GABRG3: variants seen among roughly 807,000 people sequenced by gnomAD.
GABRG3 encodes gamma-aminobutyric acid type A receptor subunit gamma3, also known as gamma-aminobutyric acid receptor subunit gamma-3.
GABRG3 carries 25 observed loss-of-function variants against 48.8 expected under a neutral mutation model. The observed-to-expected ratio is 0.51, with a 90% confidence interval of 0.37 to 0.72. The LOEUF (loss-of-function observed/expected upper bound fraction) is 0.72, where lower values mean the gene tolerates loss of function less well. Among genes scored for constraint, GABRG3 ranks in the 30% least tolerant of loss-of-function variants. The pLI is 0.00. For synonymous variants in GABRG3, 227 were observed against 217.6 expected, an observed-to-expected ratio of 1.04 and a Z score of -0.38; for missense variants, 394 against 577.9, an observed-to-expected ratio of 0.68 and a Z score of 3.26.
intron 5 of GABRG3, among the ~76,000 whole-genome samples, chr15:27,375,710 G>A (rs986805313): frequency 6.6e-6 from 1 of 152,128 alleles, no homozygotes; most frequent in African/African-American, 2.4e-5. Context: ...TTATTCATGA[G>A]AACAGCATGG....
chr15:27,212,256 CAG>C (rs1262539280), intron 3 of GABRG3, among the ~76,000 whole-genome samples: 1 of 152,170 alleles, frequency 6.6e-6, no homozygotes, highest in Non-Finnish European at 1.5e-5. Flanking sequence ...AATCTACTGA[CAG>C]GGACTCAGGA....
chr15:27,265,197 A>G (rs924126483), intron 3 of GABRG3, among the ~76,000 whole-genome samples: 3 of 152,142 alleles, frequency 2.0e-5, no homozygotes, highest in South Asian at 4.1e-4. Flanking sequence ...AATCTCACCA[A>G]TACAAACCTA....
At chr15:27,097,648 T>C (rs938757163) in intron 3 of GABRG3, among the ~76,000 whole-genome samples, 5 of 152,154 alleles carry the variant, frequency 3.3e-5, no homozygotes, top group African/African-American at 1.2e-4. Flanking sequence ...GGTGCGATTC[T>C]GTCTCCCACC....
At chr15:26,995,304 T>A (rs1895319908) in intron 2 of GABRG3, among the ~76,000 whole-genome samples, 1 of 152,024 alleles carries the variant, frequency 6.6e-6, no homozygotes, top group Admixed American at 6.5e-5. Context: ...ATTGTATACC[T>A]TTTTCCATCT....
chr15:27,019,147 C>A (rs925707775), intron 2 of GABRG3, among the ~76,000 whole-genome samples: 2 of 135,352 alleles, frequency 1.5e-5, no homozygotes, highest in Non-Finnish European at 3.1e-5. Context: ...GGGCTCACTG[C>A]AAGCTCTGCC....
rs867213534 is a variant in GABRG3 at position 27,155,882 on chromosome 15, G to A, written c.270+129061G>A. On this transcript the variant is annotated intron_variant, in intron 3 of 9. Transcript: ENST00000615808. ...TCTGAAACCACCTTAGTTGAGGGAT[G>A]GATGCCTTATTGTAGCCCAGTAAGG... Among the ~76,000 whole-genome samples, 7 of 152,248 alleles carry A rather than the reference G, an allele frequency of 4.6e-5. No individual in the cohort carries two copies. The Middle Eastern group carries it at 0.01, about 222-fold the overall frequency.
intron 3 of GABRG3, among the ~76,000 whole-genome samples, chr15:27,306,408 TAAACATGTCTACATGTAAACATATAATAC>T: frequency 3.6e-5 from 5 of 139,832 alleles, no homozygotes; most frequent in African/African-American, 1.0e-4. Flanking sequence ...ATATATAATA[TAAACATGTCTACATGTAAACATATAATAC>T]GAACATATGT....
intron 3 of GABRG3, among the ~76,000 whole-genome samples, chr15:27,092,416 T>C (rs1897202980): frequency 6.6e-6 from 1 of 152,186 alleles, no homozygotes; most frequent in African/African-American, 2.4e-5. Flanking sequence ...ATCTCTCTGC[T>C]CTCCTCTCCC....
chr15:27,243,222 G>A (rs956478108), intron 3 of GABRG3, among the ~76,000 whole-genome samples: 2 of 152,168 alleles, frequency 1.3e-5, no homozygotes, highest in African/African-American at 4.8e-5. Context: ...CAGGGTGTGT[G>A]TTTTCCATGT....
intron 5 of GABRG3, among the ~76,000 whole-genome samples, chr15:27,406,399 G>A (rs1887635349): frequency 6.6e-6 from 1 of 152,092 alleles, no homozygotes; most frequent in Non-Finnish European, 1.5e-5. Flanking sequence ...TTACAATGGT[G>A]AGACCTGACA....
intron 3 of GABRG3, among the ~76,000 whole-genome samples, chr15:27,063,350 T>C (rs1479475926): frequency 6.6e-6 from 1 of 152,228 alleles, no homozygotes; most frequent in Non-Finnish European, 1.5e-5. Flanking sequence ...CCTCCAGATC[T>C]CTGTTAAAAT....
intron 3 of GABRG3, among the ~76,000 whole-genome samples, chr15:27,293,440 G>A (rs895129153): frequency 6.6e-6 from 1 of 152,058 alleles, no homozygotes; most frequent in East Asian, 1.9e-4. Flanking sequence ...TGTAATCCCA[G>A]CACTTTGAGG....
At position 27,056,353 on chromosome 15, in the gene GABRG3, CAAAAAAA is replaced by C. The variant is rs58665097; in HGVS notation, c.270+29546_270+29552del. Among the ~76,000 whole-genome samples the C allele has an allele frequency of 9.9e-3, 568 of 57,156 alleles. 4 individuals are homozygous for C. Among genetic ancestry groups the C allele is most frequent in the Non-Finnish European group, 0.016 (447 of 27,878 alleles). The allele number at this position is 57,156 out of a possible 152,430, so 37.5% of individuals were successfully genotyped here. A position where few individuals can be genotyped will look rare whatever the true frequency, so the allele number is the denominator to read the frequency against. On this transcript the variant is annotated intron_variant, in intron 3 of 9. Transcript: ENST00000615808. ...GGTTGACAGAGTGAGACCCTGTCTC[CAAAAAAA>C]AAAAAAAAAAAAAGAAAAGAAAAAA...
Position 27,539,488 on chromosome 15 carries a change from CACCTT to C in GABRG3, c.*6609_*6613del, listed in dbSNP as rs1891619494. 1 of 152,206 alleles carries C rather than the reference CACCTT, an allele frequency of 6.6e-6. No individual in the cohort carries two copies. The highest frequency in any genetic ancestry group is 6.5e-5 in the Admixed American group (1 of 15,286). 9.4% of individuals were successfully genotyped at this position (152,206 alleles called of 1,614,324 possible). A position where few individuals can be genotyped will look rare whatever the true frequency, so the allele number is the denominator to read the frequency against. ...TCAATTTATAAAAGATTATTGGAAA[CACCTT>C]AAGTAGTCCTAACCCACTGTCAGCT... On this transcript the variant is annotated 3_prime_UTR_variant, in exon 10 of 10. Coordinates refer to ENST00000615808, the MANE Select transcript of GABRG3 (RefSeq NM_033223.5).
intron 4 of GABRG3, among the ~76,000 whole-genome samples, chr15:27,327,322 C>T (rs1190308380): frequency 6.6e-6 from 1 of 152,194 alleles, no homozygotes; most frequent in African/African-American, 2.4e-5. Context: ...TAGGAAAATA[C>T]AGATGTCTTG....
At position 27,319,947 on chromosome 15, in the gene GABRG3, C is replaced by T. The variant is rs897240383; in HGVS notation, c.271-6862C>T. On this transcript the variant is annotated intron_variant, in intron 3 of 9. Transcript: ENST00000615808. The surrounding 1 kb of genome is among the most constrained non-coding windows in gnomAD (Gnocchi z 4.4). ...GGGGAGGGCAGAGGGAGGATTTCTACACAAGAAAGGAAACTGAGAAAAGGC... is the reference window on the plus strand; with the variant it reads ...GGGGAGGGCAGAGGGAGGATTTCTATACAAGAAAGGAAACTGAGAAAAGGC... Among the ~76,000 whole-genome samples, 3 of 152,016 alleles carry T rather than the reference C, an allele frequency of 2.0e-5. No homozygotes were observed. Among genetic ancestry groups the T allele is most frequent in the Non-Finnish European group, 4.4e-5 (3 of 67,988 alleles).
intron 6 of GABRG3, among the ~76,000 whole-genome samples, chr15:27,508,826 A>G (rs530474141): frequency 1.1e-3 from 173 of 151,850 alleles, no homozygotes; most frequent in African/African-American, 3.8e-3. Flanking sequence ...CCATTCTCTC[A>G]CCCCAGCCTC....
In GABRG3 at chr15:27,407,089, G is replaced by A. The variant is rs557514077; in HGVS notation, c.575-73561G>A. Among the ~76,000 whole-genome samples the A allele has an allele frequency of 1.6e-4, 25 of 152,062 alleles. No individual in the cohort carries two copies. In the East Asian group the frequency reaches 3.5e-3, roughly 21 times the overall value. ...ATTAGGGGCACGTGCGACCACGGCC[G>A]GCTAATTTTGTAGTTTTAGTAGGGA... On this transcript the variant is annotated intron_variant, in intron 5 of 9. Transcript: ENST00000615808.
rs1276948785 is a variant in GABRG3, at chr15:27,539,699, T to A, written c.*6818T>A. The A allele has an allele frequency of 6.6e-6, 1 of 151,980 alleles. No homozygotes were observed. Among genetic ancestry groups the A allele is most frequent in the African/African-American group, 2.4e-5 (1 of 41,342 alleles). The allele number at this position is 151,980 out of a possible 1,614,324, so 9.4% of individuals were successfully genotyped here. On this transcript the variant is annotated 3_prime_UTR_variant, in exon 10 of 10. Transcript: ENST00000615808. ...TGTCACTCTCATGGGGAGATCAGGGTACCCACTCCTCTACGTAGCTTGGCA... is the reference window on the plus strand; with the variant it reads ...TGTCACTCTCATGGGGAGATCAGGGAACCCACTCCTCTACGTAGCTTGGCA...
Sources: gnomAD v4.1 joint callset for allele counts (sites outside exome capture counted in the v4.1 genomes callset) on GRCh38, gnomAD v4.1.1 for gene constraint, Gnocchi (gnomAD v3.1) non-coding constraint, MANE v1.5 for transcripts, NCBI Gene and HGNC (gene_info 2026-07-23, HGNC 2026-07-21) for gene names.